The following ZMIZ1 variants were observed in gnomAD, a reference collection of about 807,000 sequenced individuals.
ZMIZ1 encodes the protein zinc finger MIZ-type containing 1.
ZMIZ1 carries 17 observed loss-of-function variants against 113.9 expected under a neutral mutation model. That is an observed-to-expected ratio of 0.15 (90% CI 0.10 to 0.22). The LOEUF (loss-of-function observed/expected upper bound fraction) is 0.22. Among genes scored for constraint, ZMIZ1 ranks in the 10% least tolerant of loss-of-function variants. ZMIZ1 has a pLI of 1.00. For synonymous variants in ZMIZ1, 607 were observed against 603.1 expected (o/e 1.01, Z -0.09); for missense variants, 1,059 against 1,477.8 (o/e 0.72, Z 4.65).
At chr10:79,309,951 C>T (rs75143390) in intron 23 of ZMIZ1, among the ~76,000 whole-genome samples, 2,926 of 152,242 alleles carry the variant, frequency 0.019, 49 homozygotes, top group Non-Finnish European at 0.031. Flanking sequence ...GAGGATTCCC[C>T]GGCCTTTCAC....
chr10:79,272,267 C>T (rs532346877), intron 7 of ZMIZ1, among the ~76,000 whole-genome samples: 113 of 151,488 alleles, frequency 7.5e-4, no homozygotes, highest in African/African-American at 2.7e-3. Flanking sequence ...GCCTGGGTGA[C>T]AGAACAAGAC....
rs1436182850 is a variant in ZMIZ1, at chr10:79,293,486, A to G, written c.1063A>G (p.Met355Val). Residue 355 changes from methionine (M) to valine (V), a missense_variant, in exon 12 of 25, where the codon ATG (methionine) becomes GTG (valine). Physicochemically the swap from Met to Val is conservative, Grantham distance 21. Around this residue, in one of 6 missense-constraint regions of ZMIZ1, gnomAD observed 83 missense variants for 103.7 expected, o/e 0.80. Transcript: ENST00000334512. ...GAACCCCGCGAGCATGGCGGCTGGC[A>G]TGACGCCCTCGGGGATGAGCGGCCC... ...SMNPASMAAG[M>V]TPSGMSGPPM... is the part of the protein sequence containing the mutation. 2.5e-6 allele frequency: 4 copies of G among 1,580,226 alleles called. No individual in the cohort carries two copies. The highest frequency in any genetic ancestry group is 2.3e-5 in the South Asian group (2 of 87,396).
chr10:79,280,007 T>TG (rs35009052), intron 8 of ZMIZ1, among the ~76,000 whole-genome samples: 3 of 150,502 alleles, frequency 2.0e-5, no homozygotes, highest in African/African-American at 7.3e-5. Flanking sequence ...TTTTTTTTTT[T>TG]GGACAAGATC....
rs187354043 is a variant in ZMIZ1 at position 79,225,923 on chromosome 10, G to A, written c.280+9649G>A. Among the ~76,000 whole-genome samples, 13 of 152,328 alleles carry A rather than the reference G, an allele frequency of 8.5e-5. No homozygotes were observed. In the East Asian group the frequency reaches 1.4e-3, roughly 16 times the overall value. ...CGGCTGCAGGAAGAATGATGAGGCC[G>A]TGGGTGTGAGAGTGCCTCTTAAAAT... On this transcript the variant is annotated intron_variant, in intron 7 of 24. Coordinates refer to ENST00000334512, the MANE Select transcript of ZMIZ1 (RefSeq NM_020338.4).
intron 7 of ZMIZ1, among the ~76,000 whole-genome samples, chr10:79,222,989 ATGG>A (rs1849042027): frequency 6.6e-6 from 1 of 152,182 alleles, no homozygotes; most frequent in Non-Finnish European, 1.5e-5. Context: ...ACCTGGCTGA[ATGG>A]TGGACTCTCA....
chr10:79,079,412 C>G (rs1842584620), intron 1 of ZMIZ1, among the ~76,000 whole-genome samples: 1 of 152,254 alleles, frequency 6.6e-6, no homozygotes, highest in South Asian at 2.1e-4. Flanking sequence ...GAAACTATAG[C>G]CTTAGTCCAA....
chr10:79,089,263 C>A (rs1023051376), intron 1 of ZMIZ1, among the ~76,000 whole-genome samples: 1 of 152,258 alleles, frequency 6.6e-6, no homozygotes, highest in African/African-American at 2.4e-5. Flanking sequence ...TCCTTCTCCC[C>A]ACCCAGATGG....
chr10:79,169,555 C>T (rs1311041564), intron 4 of ZMIZ1, among the ~76,000 whole-genome samples: 1 of 152,272 alleles, frequency 6.6e-6, no homozygotes, highest in Admixed American at 6.5e-5. Flanking sequence ...GTATTGACTC[C>T]TCCAGCTGCT....
At chr10:79,230,461 T>C (rs1428709851) in intron 7 of ZMIZ1, among the ~76,000 whole-genome samples, 4 of 152,154 alleles carry the variant, frequency 2.6e-5, no homozygotes, top group African/African-American at 9.7e-5. Context: ...TTGCATACAT[T>C]CCCATTTCCT....
Position 79,087,508 on chromosome 10 carries a change from T to G in ZMIZ1, c.-337+18238T>G, listed in dbSNP as rs1200849947. Reference sequence around the variant, plus strand: ...CCTTCTGGATGTTTCTCCAGCCACCTCTCCTGTCTACATCCCCAGGCAGCA... The same window carrying G: ...CCTTCTGGATGTTTCTCCAGCCACCGCTCCTGTCTACATCCCCAGGCAGCA... On this transcript the variant is annotated intron_variant, in intron 1 of 24. Coordinates refer to ENST00000334512, the MANE Select transcript of ZMIZ1 (RefSeq NM_020338.4). Among the ~76,000 whole-genome samples the G allele has an allele frequency of 3.9e-5, 6 of 152,152 alleles. No individual in the cohort carries two copies. In the East Asian group the frequency reaches 1.2e-3, roughly 29 times the overall value.
chr10:79,186,397 G>C (rs1256293129), intron 4 of ZMIZ1, among the ~76,000 whole-genome samples: 1 of 152,236 alleles, frequency 6.6e-6, no homozygotes, highest in Non-Finnish European at 1.5e-5. Context: ...AGACTGGCGT[G>C]TCCCAGGCTG....
intron 7 of ZMIZ1, among the ~76,000 whole-genome samples, chr10:79,234,986 C>T (rs1849532886): frequency 6.6e-6 from 1 of 152,266 alleles, no homozygotes; most frequent in South Asian, 2.1e-4. Flanking sequence ...CAGGTAGCAT[C>T]TGTCTCAGTT....
At chr10:79,072,266 G>A (rs1413449315) in intron 1 of ZMIZ1, among the ~76,000 whole-genome samples, 1 of 152,070 alleles carries the variant, frequency 6.6e-6, no homozygotes, top group South Asian at 2.1e-4. Flanking sequence ...TCTCCCTCAC[G>A]CACGCGCGCA....
chr10:79,116,622 G>A (rs535830816), intron 1 of ZMIZ1, among the ~76,000 whole-genome samples: 10 of 152,250 alleles, frequency 6.6e-5, no homozygotes, highest in African/African-American at 1.7e-4. Context: ...TGGCCAGGGC[G>A]GGGCTGACCT....
At chr10:79,221,649 C>G (rs1312032935) in intron 7 of ZMIZ1, among the ~76,000 whole-genome samples, 1 of 152,190 alleles carries the variant, frequency 6.6e-6, no homozygotes, top group African/African-American at 2.4e-5. Context: ...ACGTGGGCAC[C>G]AAGCACCAGG....
intron 3 of ZMIZ1, among the ~76,000 whole-genome samples, chr10:79,146,473 ACT>A (rs1233369123): frequency 1.8e-4 from 27 of 151,906 alleles, no homozygotes; most frequent in Admixed American, 1.8e-3. Flanking sequence ...TATACCATGG[ACT>A]CCAGCTACAA....
chr10:79,314,492 G>A lies in ZMIZ1; in HGVS notation c.*1743G>A, dbSNP rs143493047. 126 of 331,008 alleles carry A rather than the reference G, an allele frequency of 3.8e-4. No individual in the cohort carries two copies. Among genetic ancestry groups the A allele is most frequent in the African/African-American group, 2.2e-3 (104 of 46,480 alleles). The allele number at this position is 331,008 out of a possible 1,614,324, so 20.5% of individuals were successfully genotyped here. On this transcript the variant is annotated 3_prime_UTR_variant, in exon 25 of 25. Transcript: ENST00000334512. ...CCGGCCCCTTTTCTTCCTTTGTCCC[G>A]TTGTCGAGGTTTTTTCAAATAGCGT...
At chr10:79,105,522 C>T (rs1295762230) in intron 1 of ZMIZ1, among the ~76,000 whole-genome samples, 1 of 152,228 alleles carries the variant, frequency 6.6e-6, no homozygotes, top group African/African-American at 2.4e-5. Flanking sequence ...TTAATCAGGA[C>T]TGAGAAAACC....
intron 7 of ZMIZ1, among the ~76,000 whole-genome samples, chr10:79,267,177 G>C (rs1218254176): frequency 6.6e-6 from 1 of 152,218 alleles, no homozygotes; most frequent in African/African-American, 2.4e-5. Flanking sequence ...GAGGGCCTGG[G>C]GTGTCTGGAT....
Sources: allele counts gnomAD v4.1 joint callset (sites outside exome capture counted in the v4.1 genomes callset), GRCh38; gene constraint gnomAD v4.1.1; regional missense constraint gnomAD v4.1.1; transcripts MANE v1.5; gene names NCBI Gene and HGNC (gene_info 2026-07-23, HGNC 2026-07-21).